The following DNAH14 variants were observed in gnomAD, a reference collection of about 807,000 sequenced individuals.
DNAH14 encodes axonemal beta dynein heavy chain 14.
A neutral mutation model predicts 520.9 loss-of-function variants in DNAH14; 478 were observed. The observed-to-expected ratio is 0.92, with a 90% CI of 0.85 to 0.99. The LOEUF is 0.99. Among genes scored for constraint, DNAH14 ranks in the 50% least tolerant of loss-of-function variants. The pLI is 0.00. For synonymous variants in DNAH14, 1,581 were observed against 1,757.2 expected (o/e 0.90, Z 2.51); for missense variants, 4,831 against 5,234.5 (o/e 0.92, Z 2.38).
At chr1:224,992,889 A>C (rs12072713) in intron 8 of DNAH14, among the ~76,000 whole-genome samples, 6,370 of 151,982 alleles carry the variant, frequency 0.042, 392 homozygotes, top group African/African-American at 0.13. Flanking sequence ...TTCTATCCTT[A>C]ATTTGTTGAG....
intron 42 of DNAH14, among the ~76,000 whole-genome samples, chr1:225,234,971 T>C (rs993424728): frequency 6.6e-6 from 1 of 152,194 alleles, no homozygotes; most frequent in African/African-American, 2.4e-5. Flanking sequence ...TTTCTAGATA[T>C]AGGATCATGT....
At chr1:224,994,790 T>G (rs1269356492) in intron 8 of DNAH14, among the ~76,000 whole-genome samples, 1 of 152,084 alleles carries the variant, frequency 6.6e-6, no homozygotes, top group Non-Finnish European at 1.5e-5. Context: ...TTTTCTGTAG[T>G]GGCATGCTTT....
At position 225,082,701 on chromosome 1, in the gene DNAH14, G is replaced by T; in HGVS notation, c.3289G>T (p.Asp1097Tyr). 1 of 1,550,952 alleles carries T rather than the reference G, an allele frequency of 6.4e-7. No individual in the cohort carries two copies. The highest frequency in any genetic ancestry group is 1.2e-5 in the South Asian group (1 of 83,962). The change falls in exon 20 of 86, where the codon GAT becomes TAT. Residue 1097 changes from aspartate to tyrosine, a missense_variant. Coordinates refer to ENST00000682510, the MANE Select transcript of DNAH14 (RefSeq NM_001367479.1). ...QEIIGKSVPLDKNCKVENLLA... is the reference protein window; with the variant it reads ...QEIIGKSVPLYKNCKVENLLA... ...GATTATTGGGAAGTCAGTTCCGCTT[G>T]ATAAAAACTGTAAAGTAGAGAATCT...
At position 225,346,165 on chromosome 1, in the gene DNAH14, C is replaced by T. The variant is rs2095283117; in HGVS notation, c.10882C>T (p.Gln3628Ter). 6.4e-7 allele frequency: 1 copy of T among 1,551,538 alleles called. No homozygotes were observed. Among genetic ancestry groups the T allele is most frequent in the South Asian group, 1.2e-5 (1 of 84,054 alleles). Reference sequence around the variant, plus strand: ...TCTCACACAAATCAACTACATGTACCAGTTCTCCCTAGACTGGTTTCATCA... The same window carrying T: ...TCTCACACAAATCAACTACATGTACTAGTTCTCCCTAGACTGGTTTCATCA... ...ADLTQINYMY[Q>*]FSLDWFHQVF... The change falls in exon 70 of 86, where the codon CAG (glutamine) becomes TAG (stop). Residue 3628 changes from glutamine to a stop codon, truncating the protein, a stop_gained. Coordinates refer to ENST00000682510, the MANE Select transcript of DNAH14 (RefSeq NM_001367479.1). LOFTEE classifies it high-confidence loss of function.
chr1:225,047,234 C>T (rs912129675), intron 15 of DNAH14, among the ~76,000 whole-genome samples: 19 of 152,226 alleles, frequency 1.2e-4, no homozygotes, highest in African/African-American at 4.6e-4. Flanking sequence ...AATCCAATAC[C>T]TCAGGGTTCA....
chr1:225,365,092 C>A (rs1338048158), intron 76 of DNAH14, among the ~76,000 whole-genome samples, 198 bp downstream of exon 76: 1 of 152,190 alleles, frequency 6.6e-6, no homozygotes, highest in Admixed American at 6.5e-5. Context: ...ACAAGGAATT[C>A]ACAATTTATA....
chr1:225,325,655 C>T (rs934866593), intron 64 of DNAH14, among the ~76,000 whole-genome samples: 4 of 152,152 alleles, frequency 2.6e-5, no homozygotes, highest in African/African-American at 7.2e-5. Context: ...ATTTAGCTCA[C>T]GTACATTTTG....
chr1:225,059,406 G>T (rs1276011587), intron 17 of DNAH14, among the ~76,000 whole-genome samples: 2 of 151,754 alleles, frequency 1.3e-5, no homozygotes, highest in East Asian at 1.9e-4. Context: ...CCTTTATTTT[G>T]AGCCTATGTG....
At chr1:225,299,826 A>G (rs2094103431) in intron 55 of DNAH14, among the ~76,000 whole-genome samples, 1 of 152,122 alleles carries the variant, frequency 6.6e-6, no homozygotes. Context: ...TCTCCATCAC[A>G]TATGAGGTGA....
At chr1:225,142,301 G>A (rs576242763) in intron 28 of DNAH14, among the ~76,000 whole-genome samples, 159 of 152,252 alleles carry the variant, frequency 1.0e-3, no homozygotes, top group African/African-American at 3.3e-3. Context: ...CCCAAATTGT[G>A]TGTCAAGGTA....
chr1:225,127,401 G>C (rs1161368525), intron 27 of DNAH14, among the ~76,000 whole-genome samples: 3 of 151,748 alleles, frequency 2.0e-5, no homozygotes, highest in Admixed American at 6.6e-5. Context: ...CCTGTATTGG[G>C]TGCATATATA....
At chr1:225,159,591 C>A in intron 35 of DNAH14, 106 bp downstream of exon 35, 1 of 1,208,560 alleles carries the variant, frequency 8.3e-7, no homozygotes. Context: ...ATTCTTTATT[C>A]ATGTTATAAT....
intron 27 of DNAH14, among the ~76,000 whole-genome samples, chr1:225,128,225 CTG>C (rs1477083594): frequency 6.6e-6 from 1 of 151,972 alleles, no homozygotes; most frequent in Non-Finnish European, 1.5e-5. Flanking sequence ...GTGGTGTTCT[CTG>C]TGTTTCCTGA....
intron 64 of DNAH14, among the ~76,000 whole-genome samples, chr1:225,328,732 C>T (rs1007871366): frequency 2.6e-5 from 4 of 152,072 alleles, no homozygotes; most frequent in Admixed American, 6.6e-5. Context: ...ATATAATAGA[C>T]ACTTCATATG....
intron 50 of DNAH14, among the ~76,000 whole-genome samples, chr1:225,271,120 T>C (rs2093304409): frequency 6.6e-6 from 1 of 152,216 alleles, no homozygotes; most frequent in South Asian, 2.1e-4. Flanking sequence ...TCCTCAGAGA[T>C]TCTGATCCAG....
At chr1:225,376,352 G>A (rs369992618) in intron 78 of DNAH14, among the ~76,000 whole-genome samples, 18 of 152,018 alleles carry the variant, frequency 1.2e-4, no homozygotes, top group African/African-American at 3.9e-4. Context: ...ACTTGAACCC[G>A]GGAAGCAGAG....
At chr1:225,336,941 A>G (rs912467564) in intron 66 of DNAH14, among the ~76,000 whole-genome samples, 3 of 152,206 alleles carry the variant, frequency 2.0e-5, no homozygotes, top group Admixed American at 6.5e-5. Flanking sequence ...TTCTATTTGT[A>G]TAATTCTATA....
chr1:224,992,937 C>T (rs778748839), intron 8 of DNAH14, among the ~76,000 whole-genome samples: 5 of 152,046 alleles, frequency 3.3e-5, no homozygotes, highest in Non-Finnish European at 7.4e-5. Context: ...TTATTAAATG[C>T]TTTTTCTGCA....
rs1226912219 is a variant in DNAH14 at position 225,271,932 on chromosome 1, C to G, written c.7698C>G (p.Ile2566Met). The stretch of plus-strand genomic sequence containing the variant: ...CTCATTTGGGAATTTATTTCTCCAT[C>G]AATAACTTCACACCTGAAGTTCAGA... Reference protein sequence around the residue: ...FQAHLGIYFSINNFTPEVQKS... With the variant: ...FQAHLGIYFSMNNFTPEVQKS... The change falls in exon 51 of 86, where the codon ATC (isoleucine) becomes ATG (methionine). Residue 2566 changes from isoleucine (I) to methionine (M), a missense_variant. Ile to Met is a conservative substitution (Grantham distance 10, BLOSUM62 1). Transcript: ENST00000682510. The G allele has an allele frequency of 5.2e-6, 8 of 1,544,364 alleles. No homozygotes were observed. Among genetic ancestry groups the G allele is most frequent in the Non-Finnish European group, 7.0e-6 (8 of 1,145,294 alleles).
Sources: allele counts gnomAD v4.1 joint callset (sites outside exome capture counted in the v4.1 genomes callset), GRCh38; gene constraint gnomAD v4.1.1; transcripts MANE v1.5; gene names NCBI Gene and HGNC (gene_info 2026-07-23, HGNC 2026-07-21).